Variants in UNC93A observed in about 807,000 individuals in gnomAD.
UNC93A encodes the protein unc-93 homolog A.
UNC93A carries 43 observed loss-of-function variants against 47.5 expected under a neutral mutation model. The observed-to-expected ratio is 0.91, with a 90% CI of 0.71 to 1.17. The LOEUF is 1.17. Among genes scored for constraint, UNC93A ranks in the 50% most tolerant of loss-of-function variants. UNC93A has a pLI of 0.00. For missense variants in UNC93A, 605 were observed against 577.6 expected (o/e 1.05, Z -0.49); for synonymous variants, 280 against 258.0 (o/e 1.09, Z -0.82).
intron 4 of UNC93A, among the ~76,000 whole-genome samples, chr6:167,301,413 T>C (rs934944327): frequency 2.6e-5 from 4 of 152,198 alleles, no homozygotes; most frequent in Non-Finnish European, 5.9e-5. Context: ...AGCAAGACCA[T>C]GTCTCCATAA....
chr6:167,275,176 G>A (rs935232887), intron 1 of UNC93A, among the ~76,000 whole-genome samples: 5 of 152,132 alleles, frequency 3.3e-5, no homozygotes, highest in African/African-American at 9.7e-5. Flanking sequence ...ACTTCACACT[G>A]AGCTGCCTGG....
intron 1 of UNC93A, among the ~76,000 whole-genome samples, chr6:167,282,350 G>T (rs562642050): frequency 5.4e-4 from 82 of 152,256 alleles, no homozygotes; most frequent in Admixed American, 1.8e-3. Context: ...ACACCTGATG[G>T]GGTCAAGAGA....
upstream of UNC93A, among the ~76,000 whole-genome samples, chr6:167,269,268 G>A (rs1783415678): frequency 6.6e-6 from 1 of 152,214 alleles, no homozygotes; most frequent in African/African-American, 2.4e-5. Context: ...ACCACGGTGA[G>A]CGACGCCCAG....
At chr6:167,313,543 G>A (rs1395274770) in intron 7 of UNC93A, among the ~76,000 whole-genome samples, 2 of 152,042 alleles carry the variant, frequency 1.3e-5, no homozygotes, top group East Asian at 3.9e-4. Context: ...TTTCTTGGAG[G>A]ACAACGATTT....
Position 167,294,648 on chromosome 6 carries a change from C to T in UNC93A, c.219C>T (p.Leu73=). 1 of 1,609,802 alleles carries T rather than the reference C, an allele frequency of 6.2e-7. No homozygotes were observed. The highest frequency in any genetic ancestry group is 8.5e-7 in the Non-Finnish European group (1 of 1,176,492). Residue 73 remains leucine, a synonymous_variant, in exon 2 of 8, where the codon CTC becomes CTT. Transcript: ENST00000230256. The part of the protein sequence containing the change: ...ERLGCKGTII[L]SMCGYVAFSV... ...TGGGCTGCAAGGGGACCATCATCCT[C>T]TCCATGTGTGGCTACGTGGCCTTCT...
intron 4 of UNC93A, among the ~76,000 whole-genome samples, chr6:167,299,605 G>A (rs999719614): frequency 3.9e-5 from 6 of 152,186 alleles, no homozygotes; most frequent in African/African-American, 1.2e-4. Context: ...CCAACTAACC[G>A]AGACCAGTCC....
At chr6:167,273,624 G>A (rs13195075) in intron 1 of UNC93A, among the ~76,000 whole-genome samples, 107,676 of 151,080 alleles carry the variant, frequency 0.71, 38,868 homozygotes, top group African/African-American at 0.84. Flanking sequence ...CAGGAGACCC[G>A]GAGAACGTGT....
At chr6:167,304,211 C>T (rs566944487) in intron 5 of UNC93A, 78 bp downstream of exon 5, 96 of 1,516,984 alleles carry the variant, frequency 6.3e-5, no homozygotes, top group South Asian at 1.2e-4. Flanking sequence ...CCTGCAGGAC[C>T]GCAGAGTGTC....
chr6:167,281,844 A>G (rs1314485262), intron 1 of UNC93A, among the ~76,000 whole-genome samples: 2 of 151,990 alleles, frequency 1.3e-5, no homozygotes, highest in African/African-American at 4.8e-5. Context: ...TGTGTAGCTG[A>G]CTCTCAGGCT....
intron 1 of UNC93A, among the ~76,000 whole-genome samples, chr6:167,286,054 T>A (rs1052823321): frequency 6.9e-6 from 1 of 145,876 alleles, no homozygotes; most frequent in Non-Finnish European, 1.5e-5. Flanking sequence ...TCTATTTATA[T>A]TCACATATGG....
intron 1 of UNC93A, among the ~76,000 whole-genome samples, chr6:167,282,222 T>G (rs1335105021): frequency 6.6e-6 from 1 of 152,086 alleles, no homozygotes; most frequent in Non-Finnish European, 1.5e-5. Flanking sequence ...ATTTTCAATG[T>G]GTCTGTATCA....
chr6:167,285,938 T>TTCTTTCTCTCTC (rs1554237635), intron 1 of UNC93A, among the ~76,000 whole-genome samples: 12 of 131,776 alleles, frequency 9.1e-5, no homozygotes, highest in African/African-American at 3.6e-4. Context: ...TTAGTTTTCT[T>TTCTTTCTCTCTC]TCTCTCTCTC....
intron 2 of UNC93A, 31 bp downstream of exon 2, chr6:167,294,729 C>T (rs779857191): frequency 1.3e-6 from 2 of 1,559,226 alleles, no homozygotes; most frequent in Admixed American, 1.7e-5. Context: ...GCCCACCCCA[C>T]CCCGGCCGTT....
At chr6:167,288,433 A>C (rs1483064334), upstream of UNC93A, among the ~76,000 whole-genome samples, 1 of 144,802 alleles carries the variant, frequency 6.9e-6, no homozygotes, top group Non-Finnish European at 1.5e-5. Flanking sequence ...TTGTGTTAGC[A>C]CAAATTGTTC....
chr6:167,289,563 A>T (rs1783805611), upstream of UNC93A, among the ~76,000 whole-genome samples: 1 of 152,116 alleles, frequency 6.6e-6, no homozygotes, highest in African/African-American at 2.4e-5. Context: ...GACCAGGTTT[A>T]TTTGTGCACA....
chr6:167,289,468 G>A (rs542463871), upstream of UNC93A, among the ~76,000 whole-genome samples: 4 of 152,276 alleles, frequency 2.6e-5, no homozygotes, highest in East Asian at 1.9e-4. Flanking sequence ...AAAAGCAGAC[G>A]TAACTGAAGC....
intron 4 of UNC93A, 169 bp downstream of exon 4, chr6:167,298,239 C>T: frequency 9.4e-7 from 1 of 1,069,400 alleles, no homozygotes; most frequent in Non-Finnish European, 1.3e-6. Context: ...TCTTATGAAT[C>T]AAATGCAGTA....
At chr6:167,291,604 T>C in intron 1 of UNC93A, 28 bp downstream of exon 1, 1 of 1,583,326 alleles carries the variant, frequency 6.3e-7, no homozygotes, top group African/African-American at 1.4e-5. Flanking sequence ...TCAAATTACC[T>C]GAACTTCTTG....
rs142367645 is a variant in UNC93A, at chr6:167,315,240, C to G, written c.1162C>G (p.Arg388Gly). ...KSKEAAFANY[R>G]LWEALGFVIA... ...CAAGGAAGCTGCCTTCGCCAATTAC[C>G]GCCTGTGGGAGGCCCTGGGCTTCGT... The change falls in exon 8 of 8, where the codon CGC becomes GGC. Residue 388 changes from arginine (R) to glycine (G), a missense_variant. Transcript: ENST00000230256. 2 of 1,613,782 alleles carry G rather than the reference C, an allele frequency of 1.2e-6. No individual in the cohort carries two copies. Among genetic ancestry groups the G allele is most frequent in the East Asian group, 2.2e-5 (1 of 44,856 alleles).
Sources: allele counts gnomAD v4.1 joint callset (sites outside exome capture counted in the v4.1 genomes callset), GRCh38; gene constraint gnomAD v4.1.1; transcripts MANE v1.5; gene names NCBI Gene and HGNC (gene_info 2026-07-23, HGNC 2026-07-21).